The following RSPO2 variants were observed in gnomAD, a reference collection of about 807,000 sequenced individuals.
The protein encoded by RSPO2 is R-spondin 2.
Under a neutral mutation model 30.9 loss-of-function variants are expected in RSPO2, and 14 were observed. That is an observed-to-expected ratio of 0.45 (90% CI 0.30 to 0.71). The LOEUF is 0.71. RSPO2 is among the 30% of genes least tolerant of loss of function. RSPO2 has a pLI of 0.08. For synonymous variants in RSPO2, 107 were observed against 96.4 expected, an observed-to-expected ratio of 1.11 and a Z score of -0.64; for missense variants, 264 against 301.9, an observed-to-expected ratio of 0.87 and a Z score of 0.93.
At chr8:107,904,329 C>T (rs1238878498) in intron 5 of RSPO2, among the ~76,000 whole-genome samples, 1 of 149,148 alleles carries the variant, frequency 6.7e-6, no homozygotes, top group Non-Finnish European at 1.5e-5. Context: ...CAAGAGAAGA[C>T]TTGGAATAGA....
At chr8:108,033,635 A>T (rs1811500234) in intron 2 of RSPO2, among the ~76,000 whole-genome samples, 1 of 152,220 alleles carries the variant, frequency 6.6e-6, no homozygotes, top group Non-Finnish European at 1.5e-5. Flanking sequence ...TATATTTTTT[A>T]AGTATAGCCT....
intron 2 of RSPO2, among the ~76,000 whole-genome samples, chr8:108,042,070 T>A (rs1410778233): frequency 6.6e-6 from 1 of 152,156 alleles, no homozygotes; most frequent in Non-Finnish European, 1.5e-5. Flanking sequence ...AGTTCAGCAA[T>A]GTAAATTGTA....
chr8:108,039,389 A>G (rs372163805), intron 2 of RSPO2, among the ~76,000 whole-genome samples: 1 of 152,238 alleles, frequency 6.6e-6, no homozygotes, highest in African/African-American at 2.4e-5. Flanking sequence ...ATTCATAACC[A>G]TCTTATGAGT....
At chr8:107,903,362 GT>G (rs1811539128) in intron 5 of RSPO2, among the ~76,000 whole-genome samples, 1 of 152,082 alleles carries the variant, frequency 6.6e-6, no homozygotes, top group African/African-American at 2.4e-5. Flanking sequence ...AAAGCTTCGT[GT>G]AAATTATGTA....
intron 2 of RSPO2, among the ~76,000 whole-genome samples, chr8:107,992,426 A>G (rs1226426385): frequency 6.6e-6 from 1 of 152,146 alleles, no homozygotes; most frequent in East Asian, 1.9e-4. Context: ...TGGGAGGAAG[A>G]TGAGGATGAG....
chr8:107,906,175 G>A (rs1014204545), intron 5 of RSPO2, among the ~76,000 whole-genome samples: 10 of 151,778 alleles, frequency 6.6e-5, no homozygotes, highest in Non-Finnish European at 1.5e-4. Context: ...TCAGATCTAG[G>A]ACTCTATCCC....
At chr8:107,920,762 C>A (rs569374085) in intron 5 of RSPO2, among the ~76,000 whole-genome samples, 3 of 152,168 alleles carry the variant, frequency 2.0e-5, no homozygotes, top group Non-Finnish European at 2.9e-5. Flanking sequence ...GTAAAGAGTT[C>A]CTTCCCCAAA....
intron 5 of RSPO2, among the ~76,000 whole-genome samples, chr8:107,925,942 A>G (rs1812355620): frequency 6.6e-6 from 1 of 152,164 alleles, no homozygotes; most frequent in South Asian, 2.1e-4. Flanking sequence ...GCTGGGTCAA[A>G]TAGTATTTCT....
intron 5 of RSPO2, among the ~76,000 whole-genome samples, chr8:107,916,384 T>C (rs1418892842): frequency 1.3e-5 from 2 of 152,168 alleles, no homozygotes; most frequent in South Asian, 2.1e-4. Context: ...CAGACCTTAT[T>C]TGCCTGATGG....
At chr8:107,925,665 T>G (rs1406250210) in intron 5 of RSPO2, among the ~76,000 whole-genome samples, 1 of 152,120 alleles carries the variant, frequency 6.6e-6, no homozygotes, top group Non-Finnish European at 1.5e-5. Flanking sequence ...TTTGGTTTTT[T>G]GTCCTTGCAA....
At position 107,920,370 on chromosome 8, in the gene RSPO2, A is replaced by T. The variant is rs191082557; in HGVS notation, c.617-19180T>A. Among the ~76,000 whole-genome samples, 14 of 152,230 alleles carry T rather than the reference A, an allele frequency of 9.2e-5. No homozygotes were observed. The East Asian group carries it at 2.5e-3, about 27-fold the overall frequency. On this transcript the variant is annotated intron_variant, in intron 5 of 5. Coordinates refer to ENST00000276659, the MANE Select transcript of RSPO2 (RefSeq NM_178565.5). ...TTAGAGCTTATAAATTGGTATTAAG[A>T]TCGCTTTGTCATTGATCCTATCCAA...
chr8:108,065,145 A>G (rs898739313), intron 2 of RSPO2, among the ~76,000 whole-genome samples: 11 of 151,930 alleles, frequency 7.2e-5, no homozygotes, highest in Non-Finnish European at 1.0e-4. Context: ...CATTGTGCAC[A>G]TGTACCCTAG....
chr8:108,057,711 A>G (rs771499929), intron 2 of RSPO2, among the ~76,000 whole-genome samples: 1 of 151,954 alleles, frequency 6.6e-6, no homozygotes, highest in Non-Finnish European at 1.5e-5. Context: ...AATCCCAAGA[A>G]TCTTTTCATT....
At chr8:107,906,035 A>G (rs1811628733) in intron 5 of RSPO2, among the ~76,000 whole-genome samples, 1 of 152,068 alleles carries the variant, frequency 6.6e-6, no homozygotes, top group Admixed American at 6.6e-5. Flanking sequence ...AAGTAAAAAT[A>G]TCTAACACTT....
intron 5 of RSPO2, among the ~76,000 whole-genome samples, chr8:107,925,550 C>T (rs1333818043): frequency 6.6e-6 from 1 of 151,942 alleles, no homozygotes; most frequent in African/African-American, 2.4e-5. Context: ...GCTATCCCTC[C>T]CCCCTCCTCC....
intron 5 of RSPO2, among the ~76,000 whole-genome samples, chr8:107,925,096 C>T (rs1812316487): frequency 6.6e-6 from 1 of 151,806 alleles, no homozygotes; most frequent in Middle Eastern, 3.4e-3. Context: ...TTTATGAATG[C>T]ATTTTTGAAT....
chr8:107,970,418 G>C (rs1327019895), intron 3 of RSPO2, among the ~76,000 whole-genome samples: 5 of 152,126 alleles, frequency 3.3e-5, no homozygotes, highest in South Asian at 4.1e-4. Flanking sequence ...CCCTAGGCTA[G>C]AGAATTACTG....
intron 2 of RSPO2, among the ~76,000 whole-genome samples, chr8:108,048,602 A>G (rs941551416): frequency 3.9e-5 from 6 of 151,914 alleles, no homozygotes; most frequent in Admixed American, 6.6e-5. Context: ...AATTTTGTTG[A>G]TCTTTTCAAA....
chr8:107,960,887 T>G (rs890308909), intron 3 of RSPO2, 70 bp from the exon 4 acceptor site: 6 of 1,207,852 alleles, frequency 5.0e-6, no homozygotes, highest in South Asian at 4.5e-5. Flanking sequence ...CAAATAAAAT[T>G]TTTGTAAACT....
Sources: allele counts gnomAD v4.1 joint callset (sites outside exome capture counted in the v4.1 genomes callset), GRCh38; gene constraint gnomAD v4.1.1; transcripts MANE v1.5; gene names NCBI Gene and HGNC (gene_info 2026-07-23, HGNC 2026-07-21).